Variants in RAPGEF1 observed in about 807,000 individuals in gnomAD.
RAPGEF1 encodes Rap guanine nucleotide exchange factor 1, also known as CRK SH3-binding GNRP.
RAPGEF1 carries 33 observed loss-of-function variants against 143.3 expected under a neutral mutation model. The ratio of observed to expected loss-of-function variants is 0.23; its 90% CI spans 0.17 to 0.31. The LOEUF (loss-of-function observed/expected upper bound fraction) is 0.31, where lower values mean the gene tolerates loss of function less well. Ranked by LOEUF, RAPGEF1 falls within the 10% of genes least tolerant of loss-of-function variation. The pLI, the probability that RAPGEF1 is intolerant of heterozygous loss-of-function variation, is 1.00. For synonymous variants in RAPGEF1, 629 were observed against 676.5 expected (o/e 0.93, Z 1.09); for missense variants, 1,199 against 1,645.4 (o/e 0.73, Z 4.69).
At chr9:131,724,704 A>C (rs1189341917) in intron 1 of RAPGEF1, among the ~76,000 whole-genome samples, 1 of 152,222 alleles carries the variant, frequency 6.6e-6, no homozygotes, top group Non-Finnish European at 1.5e-5. Context: ...CTTAGAAAGA[A>C]AGCCTACAGC....
rs1438893720 is a variant in RAPGEF1 at position 131,737,275 on chromosome 9, C to T, written c.61+2495G>A. On this transcript the variant is annotated intron_variant, in intron 1 of 26. Coordinates refer to ENST00000683357, the MANE Select transcript of RAPGEF1 (RefSeq NM_001377935.1). ...CACTTTCCGCAGCTCCTGGTCAGCC[C>T]CTTCCCCTCTCTCCTCTTTCTCCCT... 11 of 1,417,236 alleles carry T rather than the reference C, an allele frequency of 7.8e-6. No individual in the cohort carries two copies. The African/African-American group carries it at 8.5e-5, about 11-fold the overall frequency. 87.8% of individuals were successfully genotyped at this position (1,417,236 alleles called of 1,614,324 possible).
intron 10 of RAPGEF1, among the ~76,000 whole-genome samples, chr9:131,623,110 T>C (rs1040820796): frequency 1.3e-5 from 2 of 151,916 alleles, no homozygotes; most frequent in Admixed American, 1.3e-4. Context: ...GTCACCAGGC[T>C]CCAGACGAAG....
intron 1 of RAPGEF1, among the ~76,000 whole-genome samples, chr9:131,687,953 C>T (rs921706364): frequency 2.0e-5 from 3 of 152,198 alleles, no homozygotes; most frequent in African/African-American, 7.2e-5. Flanking sequence ...AGATACACAG[C>T]ATAGCAATTC....
chr9:131,730,210 A>AAG, intron 1 of RAPGEF1, among the ~76,000 whole-genome samples: 1 of 151,370 alleles, frequency 6.6e-6, no homozygotes, highest in African/African-American at 2.4e-5. Context: ...AAAAAAAAAA[A>AAG]AAAAAAGAAA....
intron 22 of RAPGEF1, among the ~76,000 whole-genome samples, chr9:131,587,484 G>C (rs1343490868): frequency 6.6e-6 from 1 of 152,238 alleles, no homozygotes; most frequent in Non-Finnish European, 1.5e-5. Flanking sequence ...ACCTATGGCA[G>C]ACATCGCTCC....
At chr9:131,720,059 T>C (rs1027996028) in intron 1 of RAPGEF1, among the ~76,000 whole-genome samples, 1 of 152,120 alleles carries the variant, frequency 6.6e-6, no homozygotes, top group Non-Finnish European at 1.5e-5. Context: ...CTAATTTTTG[T>C]ATTTTTAGTA....
At chr9:131,712,831 CA>C (rs1835602337) in intron 1 of RAPGEF1, among the ~76,000 whole-genome samples, 1 of 152,120 alleles carries the variant, frequency 6.6e-6, no homozygotes, top group Admixed American at 6.5e-5. Flanking sequence ...ATGGCTCCCC[CA>C]AAATAACTCC....
At chr9:131,582,745 G>T (rs753672329) in intron 24 of RAPGEF1, 43 bp from the exon 25 acceptor site, 22 of 1,503,152 alleles carry the variant, frequency 1.5e-5, no homozygotes, top group Non-Finnish European at 1.9e-5. Context: ...GGGTGAGCGA[G>T]TGCTGGGGCA....
chr9:131,711,360 C>CTT (rs1277721454), intron 1 of RAPGEF1, among the ~76,000 whole-genome samples: 1 of 125,226 alleles, frequency 8.0e-6, no homozygotes, highest in Non-Finnish European at 1.8e-5. Context: ...CCTATTATCA[C>CTT]CTTTTTTTTT....
chr9:131,595,695 C>CAACTCT (rs60742026), intron 17 of RAPGEF1, among the ~76,000 whole-genome samples: 129,873 of 151,848 alleles, frequency 0.86, 55,769 homozygotes, highest in African/African-American at 0.93. Flanking sequence ...CTGGGAATGA[C>CAACTCT]TTTGCTAGCA....
At chr9:131,694,797 CTTTTT>C (rs60955547) in intron 1 of RAPGEF1, among the ~76,000 whole-genome samples, 1 of 139,496 alleles carries the variant, frequency 7.2e-6, no homozygotes, top group African/African-American at 2.7e-5. Flanking sequence ...TTCACACTTT[CTTTTT>C]TTTTTTTTTT....
intron 1 of RAPGEF1, among the ~76,000 whole-genome samples, chr9:131,719,508 C>T (rs1344514265): frequency 1.3e-5 from 2 of 150,128 alleles, no homozygotes; most frequent in East Asian, 3.9e-4. Flanking sequence ...CGGCTTCAAC[C>T]TAGCTCTTCA....
At chr9:131,669,652 G>C (rs1564666035) in intron 1 of RAPGEF1, among the ~76,000 whole-genome samples, 1 of 152,118 alleles carries the variant, frequency 6.6e-6, no homozygotes, top group Non-Finnish European at 1.5e-5. Context: ...GTTCTGACAT[G>C]ACACCCAAGC....
intron 15 of RAPGEF1, among the ~76,000 whole-genome samples, chr9:131,599,295 T>C (rs902006562): frequency 1.3e-5 from 2 of 152,078 alleles, no homozygotes; most frequent in Admixed American, 1.3e-4. Context: ...TGGATAATTC[T>C]GTTCATTGTA....
intron 1 of RAPGEF1, among the ~76,000 whole-genome samples, chr9:131,690,105 T>C (rs528123876): frequency 6.6e-6 from 1 of 152,264 alleles, no homozygotes; most frequent in East Asian, 1.9e-4. Context: ...TATAAAACAG[T>C]TTAAATTTGC....
intron 1 of RAPGEF1, among the ~76,000 whole-genome samples, chr9:131,672,113 C>T (rs570183888): frequency 2.8e-4 from 42 of 152,276 alleles, no homozygotes; most frequent in Admixed American, 5.2e-4. Flanking sequence ...TGCCAAGACA[C>T]TGGTTAGCTT....
chr9:131,712,029 A>G (rs1184897973), intron 1 of RAPGEF1, among the ~76,000 whole-genome samples: 1 of 152,242 alleles, frequency 6.6e-6, no homozygotes, highest in African/African-American at 2.4e-5. Context: ...ATCTACCAAT[A>G]CAGAGATCAT....
chr9:131,736,379 G>A (rs1483044389), intron 1 of RAPGEF1, among the ~76,000 whole-genome samples: 3 of 152,120 alleles, frequency 2.0e-5, no homozygotes, highest in Non-Finnish European at 4.4e-5. Context: ...GCCCCCACCA[G>A]CCCAGCAAGT....
rs1297268999 is a variant in RAPGEF1 at position 131,588,010 on chromosome 9, C to T, written c.3070G>A (p.Asp1024Asn). 18 of 1,612,730 alleles carry T rather than the reference C, an allele frequency of 1.1e-5. No individual in the cohort carries two copies. In the Middle Eastern group the frequency reaches 6.9e-4, roughly 62 times the overall value. Residue 1024 changes from aspartate (D) to asparagine (N), a missense_variant, in exon 21 of 27, where the codon GAC (aspartate) becomes AAC (asparagine). Transcript: ENST00000683357. ...TCCGCTATCTCATGGCTGTGAAAGT[C>T]GTGCAAGGTCCCCGGCCTGGAAGAC... ...GVAARPGTLH[D>N]FHSHEIAEQL...
Sources: allele counts gnomAD v4.1 joint callset (sites outside exome capture counted in the v4.1 genomes callset), GRCh38; gene constraint gnomAD v4.1.1; transcripts MANE v1.5; gene names NCBI Gene and HGNC (gene_info 2026-07-23, HGNC 2026-07-21).